Variants in PCNX1 observed in about 807,000 individuals in gnomAD.
PCNX1 encodes the protein pecanex-like protein 1.
A neutral mutation model predicts 242.2 loss-of-function variants in PCNX1; 78 were observed. That is an observed-to-expected ratio of 0.32 (90% confidence interval 0.27 to 0.39). PCNX1 has a LOEUF of 0.39. Ranked by LOEUF, PCNX1 falls within the 10% of genes least tolerant of loss-of-function variation. The pLI is 1.00. For missense variants in PCNX1, 2,581 were observed against 2,856.5 expected (o/e 0.90, Z 2.20); for synonymous variants, 1,024 against 1,032.9 (o/e 0.99, Z 0.17).
At chr14:71,057,181 C>T (rs1959834472) in intron 25 of PCNX1, among the ~76,000 whole-genome samples, 1 of 152,004 alleles carries the variant, frequency 6.6e-6, no homozygotes, top group Admixed American at 6.6e-5. Context: ...ATTTCTCTTC[C>T]ATGGTTTTAA....
intron 13 of PCNX1, 117 bp from the exon 14 acceptor site, chr14:71,026,000 A>G (rs1174348834): frequency 1.9e-6 from 1 of 517,418 alleles, no homozygotes; most frequent in Non-Finnish European, 3.3e-6. Flanking sequence ...ATTGTCAGAA[A>G]TCTGGCTTCC....
At chr14:71,001,782 A>T (rs567689330) in intron 8 of PCNX1, among the ~76,000 whole-genome samples, 1 of 152,182 alleles carries the variant, frequency 6.6e-6, no homozygotes, top group East Asian at 1.9e-4. Flanking sequence ...AGAAGTTTCT[A>T]TTTCTCTCAT....
chr14:71,099,456 CCTATTTT>C (rs1357283839), intron 30 of PCNX1, among the ~76,000 whole-genome samples: 2 of 152,188 alleles, frequency 1.3e-5, no homozygotes, highest in Non-Finnish European at 2.9e-5. Context: ...CCACGCCCGG[CCTATTTT>C]GATTTTTTAA....
intron 30 of PCNX1, among the ~76,000 whole-genome samples, chr14:71,095,150 T>A (rs572881241): frequency 6.6e-6 from 1 of 152,328 alleles, no homozygotes; most frequent in East Asian, 1.9e-4. Flanking sequence ...TAAAATATCT[T>A]TCCTCCTTAT....
At chr14:71,098,551 T>TGAGAGAGAGAGA (rs1480000997) in intron 30 of PCNX1, among the ~76,000 whole-genome samples, 4 of 128,986 alleles carry the variant, frequency 3.1e-5, no homozygotes, top group African/African-American at 9.2e-5. Context: ...TGTGTGTGTG[T>TGAGAGAGAGAGA]GTGAGAGAGA....
At chr14:71,053,559 C>T in intron 24 of PCNX1, 1 of 275,322 alleles carries the variant, frequency 3.6e-6, no homozygotes, top group East Asian at 1.1e-4. Context: ...CTCAGGTGAT[C>T]CACCCGCTTC....
chr14:70,997,935 T>G (rs999366027), intron 8 of PCNX1, among the ~76,000 whole-genome samples: 2 of 152,214 alleles, frequency 1.3e-5, no homozygotes, highest in African/African-American at 4.8e-5. Flanking sequence ...GCTATGATAT[T>G]CCCTAAAAGT....
chr14:71,014,237 A>G (rs1354937813), intron 11 of PCNX1, among the ~76,000 whole-genome samples: 1 of 152,236 alleles, frequency 6.6e-6, no homozygotes, highest in African/African-American at 2.4e-5. Flanking sequence ...CCACCTAACA[A>G]GTAATAAAAC....
rs555924830 is a variant in PCNX1, at chr14:71,082,580, G to A, written c.5338-5750G>A. 5.3e-5 allele frequency among the ~76,000 whole-genome samples: 8 copies of A among 152,158 alleles called. No individual in the cohort carries two copies. The East Asian group carries it at 5.8e-4, about 11-fold the overall frequency. On this transcript the variant is annotated intron_variant, in intron 28 of 35. Coordinates refer to ENST00000304743, the MANE Select transcript of PCNX1 (RefSeq NM_014982.3). ...ATATTTAGGATAGTTGGCTCTTCTC[G>A]CTACATTGATCCCTTTACCGTAGCT...
chr14:70,949,254 C>CACACACGTGTATGCACACACGTGTAT (rs1566608153), intron 2 of PCNX1, among the ~76,000 whole-genome samples: 13 of 120,956 alleles, frequency 1.1e-4, no homozygotes, highest in Admixed American at 4.6e-4. Flanking sequence ...CACGTGTATA[C>CACACACGTGTATGCACACACGTGTAT]ACACACACGT....
At chr14:71,095,391 T>C (rs2062248030) in intron 30 of PCNX1, among the ~76,000 whole-genome samples, 1 of 152,210 alleles carries the variant, frequency 6.6e-6, no homozygotes, top group Non-Finnish European at 1.5e-5. Context: ...AAATAGTGTA[T>C]CCTGTGCATC....
chr14:70,915,402 G>T (rs1258052841), intron 1 of PCNX1, among the ~76,000 whole-genome samples: 1 of 152,126 alleles, frequency 6.6e-6, no homozygotes, highest in Non-Finnish European at 1.5e-5. Flanking sequence ...AGAAAATACA[G>T]CCATTGGTAA....
intron 27 of PCNX1, among the ~76,000 whole-genome samples, chr14:71,075,848 C>T (rs1423464728): frequency 4.6e-5 from 7 of 151,868 alleles, no homozygotes; most frequent in Non-Finnish European, 7.4e-5. Context: ...ATTATGCCAT[C>T]GCACTCTAGC....
chr14:71,005,765 A>G (rs2059638752), intron 8 of PCNX1, among the ~76,000 whole-genome samples: 1 of 152,146 alleles, frequency 6.6e-6, no homozygotes, highest in Admixed American at 6.5e-5. Flanking sequence ...AGTTTTACTC[A>G]TCTTCCTGTT....
intron 21 of PCNX1, among the ~76,000 whole-genome samples, chr14:71,047,526 A>G (rs2060898210): frequency 2.0e-5 from 3 of 152,178 alleles, no homozygotes; most frequent in Admixed American, 1.3e-4. Flanking sequence ...AGTAATAGAA[A>G]TATTGAGAAA....
chr14:71,026,010 C>T, intron 13 of PCNX1, 107 bp from the exon 14 acceptor site: 1 of 559,370 alleles, frequency 1.8e-6, no homozygotes, highest in Non-Finnish European at 3.0e-6. Flanking sequence ...ATCTGGCTTC[C>T]ATATGGAAAA....
rs567149799 is a variant in PCNX1, at chr14:71,053,776, A to C, written c.4578-1728A>C. Among the ~76,000 whole-genome samples the C allele has an allele frequency of 2.0e-5, 3 of 152,362 alleles. No homozygotes were observed. The East Asian group carries it at 5.8e-4, about 29-fold the overall frequency. Reference sequence around the variant, plus strand: ...GTCGTATCTATTGTATATTAGCATAAATAACATTTTAAAGTTAAGAATAAC... The same window carrying C: ...GTCGTATCTATTGTATATTAGCATACATAACATTTTAAAGTTAAGAATAAC... On this transcript the variant is annotated intron_variant, in intron 24 of 35. Coordinates refer to ENST00000304743, the MANE Select transcript of PCNX1 (RefSeq NM_014982.3).
rs113157312 is a variant in PCNX1, at chr14:71,058,888, G to T, written c.4852+1164G>T. 7.6e-3 allele frequency among the ~76,000 whole-genome samples: 1,156 copies of T among 152,202 alleles called. 8 individuals carry two copies. Among genetic ancestry groups the T allele is most frequent in the Middle Eastern group, 0.014 (4 of 294 alleles). Reference sequence around the variant, plus strand: ...ATTTGTTTCTGCCTCTCCATCAGGAGCCTAGGACCTTAACTCCATCTCTTC... The same window carrying T: ...ATTTGTTTCTGCCTCTCCATCAGGATCCTAGGACCTTAACTCCATCTCTTC... On this transcript the variant is annotated intron_variant, in intron 26 of 35. Transcript: ENST00000304743.
At chr14:71,059,984 C>T (rs1595400309) in intron 26 of PCNX1, among the ~76,000 whole-genome samples, 1 of 152,188 alleles carries the variant, frequency 6.6e-6, no homozygotes, top group Non-Finnish European at 1.5e-5. Context: ...CCTAATCCTC[C>T]ATCTGGCTGA....
Sources: gnomAD v4.1 joint callset for allele counts (sites outside exome capture counted in the v4.1 genomes callset) on GRCh38, gnomAD v4.1.1 for gene constraint, MANE v1.5 for transcripts, NCBI Gene and HGNC (gene_info 2026-07-23, HGNC 2026-07-21) for gene names.